The following ADAMTS3 variants were observed in gnomAD, a reference collection of about 807,000 sequenced individuals.
ADAMTS3 encodes the protein A disintegrin and metalloproteinase with thrombospondin motifs 3.
A neutral mutation model predicts 129.0 loss-of-function variants in ADAMTS3; 73 were observed. The ratio of observed to expected loss-of-function variants is 0.57; its 90% CI spans 0.47 to 0.69. The LOEUF (loss-of-function observed/expected upper bound fraction) is 0.69, where lower values mean the gene tolerates loss of function less well. Among genes scored for constraint, ADAMTS3 ranks in the 30% least tolerant of loss-of-function variants. The pLI, the probability that ADAMTS3 is intolerant of heterozygous loss-of-function variation, is 0.00. For synonymous variants in ADAMTS3, 477 were observed against 510.8 expected (o/e 0.93, Z 0.89); for missense variants, 1,457 against 1,514.5 (o/e 0.96, Z 0.63).
rs1438678784 is a variant in ADAMTS3 at position 72,455,937 on chromosome 4, T to C, written c.505-40966A>G. ...ATATATACTATATATATTTTATATA[T>C]AGTATATATACAGTATATATACTAT... is the stretch of plus-strand genomic sequence containing the variant. On this transcript the variant is annotated intron_variant, in intron 3 of 21. Transcript: ENST00000286657. Among the ~76,000 whole-genome samples the C allele has an allele frequency of 8.0e-3, 883 of 109,752 alleles. 98 individuals are homozygous for C. Among genetic ancestry groups the C allele is most frequent in the African/African-American group, 0.031 (840 of 27,422 alleles). 72.0% of individuals were successfully genotyped at this position (109,752 alleles called of 152,430 possible).
rs147916793 is a variant in ADAMTS3 at position 72,377,570 on chromosome 4, G to C, written c.661+37245C>G. On this transcript the variant is annotated intron_variant, in intron 4 of 21. Coordinates refer to ENST00000286657, the MANE Select transcript of ADAMTS3 (RefSeq NM_014243.3). Reference sequence around the variant, plus strand: ...GTCCCAGTATGACTGGTCTATATGTGTCTCTCTGTTCAGCATTTTCCAAAG... The same window carrying C: ...GTCCCAGTATGACTGGTCTATATGTCTCTCTCTGTTCAGCATTTTCCAAAG... Among the ~76,000 whole-genome samples, 270 of 152,264 alleles carry C rather than the reference G, an allele frequency of 1.8e-3. 1 individual carries two copies. The highest frequency in any genetic ancestry group is 3.3e-3 in the Non-Finnish European group (223 of 68,008).
chr4:72,566,507 A>G (rs1021111968), intron 2 of ADAMTS3, among the ~76,000 whole-genome samples: 2 of 152,250 alleles, frequency 1.3e-5, no homozygotes, highest in Non-Finnish European at 2.9e-5. Context: ...CAGCAGTTAT[A>G]AAAACTTTTC....
intron 4 of ADAMTS3, among the ~76,000 whole-genome samples, chr4:72,395,994 A>C (rs980754604): frequency 6.6e-6 from 1 of 152,212 alleles, no homozygotes; most frequent in Non-Finnish European, 1.5e-5. Context: ...GAAAGTGGAA[A>C]CAACAGACCC....
intron 4 of ADAMTS3, among the ~76,000 whole-genome samples, chr4:72,392,431 C>A (rs893635740): frequency 7.2e-5 from 11 of 152,176 alleles, no homozygotes; most frequent in Non-Finnish European, 1.0e-4. Context: ...AAAAAATCCA[C>A]CCCCTTAATC....
intron 15 of ADAMTS3, among the ~76,000 whole-genome samples, chr4:72,307,259 G>A (rs896249798): frequency 6.6e-6 from 1 of 151,994 alleles, no homozygotes; most frequent in Non-Finnish European, 1.5e-5. Context: ...AGGGTGTTCA[G>A]CACTTTAGCC....
At chr4:72,326,570 A>G (rs1719704450) in intron 5 of ADAMTS3, among the ~76,000 whole-genome samples, 1 of 152,050 alleles carries the variant, frequency 6.6e-6, no homozygotes, top group Admixed American at 6.6e-5. Flanking sequence ...TTTCTTGTTG[A>G]CAAACTCTAC....
At position 72,319,867 on chromosome 4, in the gene ADAMTS3, G is replaced by A. The variant is rs762762812; in HGVS notation, c.1199C>T (p.Thr400Met). The change falls in exon 8 of 22, where the codon ACG (threonine) becomes ATG (methionine). Residue 400 changes from threonine to methionine, a missense_variant. Physicochemically the swap from Thr to Met is moderately conservative, Grantham distance 81 (BLOSUM62 -1). Transcript: ENST00000286657. ...FSSAFVVAHE[T>M]GHVLGMEHDG... Reference sequence around the variant, plus strand: ...GTCAGCAGTGACTTACACATGGCCCGTTTCATGGGCTACTACAAAAGCAGA... The same window carrying A: ...GTCAGCAGTGACTTACACATGGCCCATTTCATGGGCTACTACAAAAGCAGA... The A allele has an allele frequency of 6.2e-6, 10 of 1,612,986 alleles. No homozygotes were observed. The highest frequency in any genetic ancestry group is 5.5e-5 in the South Asian group (5 of 91,064).
chr4:72,311,779 A>G (rs549712028), intron 13 of ADAMTS3, among the ~76,000 whole-genome samples: 1 of 152,292 alleles, frequency 6.6e-6, no homozygotes, highest in African/African-American at 2.4e-5. Flanking sequence ...TTGCCATTGG[A>G]CATATTTAAC....
In ADAMTS3 at chr4:72,520,827, G is replaced by A. The variant is rs149808865; in HGVS notation, c.504+27651C>T. Among the ~76,000 whole-genome samples the A allele has an allele frequency of 9.4e-3, 1,433 of 152,048 alleles. 15 individuals carry two copies. The highest frequency in any genetic ancestry group is 0.025 in the African/African-American group (1,018 of 41,486). On this transcript the variant is annotated intron_variant, in intron 3 of 21. Transcript: ENST00000286657. ...GCAATGCCTCCCCTTGCTTCGGCTCGCGCATGATGTGCTGCACCCTCTGTC... is the reference window on the plus strand; with the variant it reads ...GCAATGCCTCCCCTTGCTTCGGCTCACGCATGATGTGCTGCACCCTCTGTC...
chr4:72,538,213 A>G (rs1721230056), intron 3 of ADAMTS3, among the ~76,000 whole-genome samples: 2 of 152,222 alleles, frequency 1.3e-5, no homozygotes, highest in Admixed American at 6.5e-5. Context: ...AGAAGCAGAG[A>G]AAACATCTAA....
At chr4:72,341,381 A>C (rs1466464891) in intron 4 of ADAMTS3, among the ~76,000 whole-genome samples, 1 of 152,142 alleles carries the variant, frequency 6.6e-6, no homozygotes, top group Non-Finnish European at 1.5e-5. Flanking sequence ...ACAATATATA[A>C]ATAACTCTCA....
intron 3 of ADAMTS3, among the ~76,000 whole-genome samples, chr4:72,453,855 C>T (rs1190846024): frequency 6.7e-6 from 1 of 150,302 alleles, no homozygotes; most frequent in Non-Finnish European, 1.5e-5. Context: ...GCAGGAGAGG[C>T]TCCCCTCTGC....
rs564753460 is a variant in ADAMTS3, at chr4:72,394,928, C to CT, written c.661+19886dup. Among the ~76,000 whole-genome samples the CT allele has an allele frequency of 5.3e-3, 761 of 142,460 alleles. 3 individuals are homozygous for CT. The highest frequency in any genetic ancestry group is 8.4e-3 in the South Asian group (38 of 4,514). 93.5% of individuals were successfully genotyped at this position (142,460 alleles called of 152,430 possible). On this transcript the variant is annotated intron_variant, in intron 4 of 21. Coordinates refer to ENST00000286657, the MANE Select transcript of ADAMTS3 (RefSeq NM_014243.3). ...GTCTCCAACATATACGCACATTTGG[C>CT]TTTTTTTTTTTTTGGAGATGGAGTT...
At chr4:72,382,015 C>G (rs1177870874) in intron 4 of ADAMTS3, among the ~76,000 whole-genome samples, 1 of 152,088 alleles carries the variant, frequency 6.6e-6, no homozygotes, top group African/African-American at 2.4e-5. Flanking sequence ...CTGCACATGT[C>G]AGTACAGCGA....
chr4:72,296,323 T>A (rs949818135), intron 18 of ADAMTS3, among the ~76,000 whole-genome samples: 7 of 152,152 alleles, frequency 4.6e-5, no homozygotes, highest in Non-Finnish European at 1.0e-4. Flanking sequence ...GGCTAGAGGA[T>A]CATGTGTGAA....
intron 4 of ADAMTS3, among the ~76,000 whole-genome samples, chr4:72,364,960 CTGT>C (rs1283360290): frequency 6.6e-6 from 1 of 152,106 alleles, no homozygotes; most frequent in Non-Finnish European, 1.5e-5. Context: ...TTATAAGTTT[CTGT>C]TTGTTTTGCT....
chr4:72,308,873 C>T (rs2109793836), intron 15 of ADAMTS3, among the ~76,000 whole-genome samples: 1 of 151,966 alleles, frequency 6.6e-6, no homozygotes, highest in East Asian at 1.9e-4. Context: ...GGTTGTACCT[C>T]AATTTTGTTT....
Position 72,486,909 on chromosome 4 carries a change from A to G in ADAMTS3, c.504+61569T>C, listed in dbSNP as rs149431564. ...AAAAGGTAGAAGGGCAAAATATAGC[A>G]AATAATAAATGCTCAGTTAACTGTA... On this transcript the variant is annotated intron_variant, in intron 3 of 21. Coordinates refer to ENST00000286657, the MANE Select transcript of ADAMTS3 (RefSeq NM_014243.3). Among the ~76,000 whole-genome samples the G allele has an allele frequency of 5.4e-3, 822 of 152,284 alleles. 1 individual carries two copies. Among genetic ancestry groups the G allele is most frequent in the African/African-American group, 0.019 (783 of 41,580 alleles).
chr4:72,350,520 T>C (rs1478000792), intron 4 of ADAMTS3, among the ~76,000 whole-genome samples: 1 of 152,044 alleles, frequency 6.6e-6, no homozygotes, highest in African/African-American at 2.4e-5. Context: ...TTTACCCTTT[T>C]GGCTGCTGGA....
Sources: gnomAD v4.1 joint callset for allele counts (sites outside exome capture counted in the v4.1 genomes callset) on GRCh38, gnomAD v4.1.1 for gene constraint, MANE v1.5 for transcripts, NCBI Gene and HGNC (gene_info 2026-07-23, HGNC 2026-07-21) for gene names.